The following NAALADL2 variants were observed in gnomAD, a reference collection of about 807,000 sequenced individuals.
NAALADL2 encodes N-acetylated alpha-linked acidic dipeptidase like 2.
In NAALADL2, 76 loss-of-function variants were observed where a neutral mutation model predicts 87.2. The ratio of observed to expected loss-of-function variants is 0.87; its 90% CI spans 0.72 to 1.05. The LOEUF (loss-of-function observed/expected upper bound fraction) is 1.05. Ranked by LOEUF, NAALADL2 falls within the 50% of genes least tolerant of loss-of-function variation. The pLI, the probability that NAALADL2 is intolerant of heterozygous loss-of-function variation, is 0.00. For synonymous variants in NAALADL2, 354 were observed against 331.0 expected (o/e 1.07, Z -0.75); for missense variants, 1,089 against 945.8 (o/e 1.15, Z -1.99).
intron 2 of NAALADL2, among the ~76,000 whole-genome samples, chr3:174,697,969 T>G (rs1424090588): frequency 6.6e-6 from 1 of 152,054 alleles, no homozygotes; most frequent in East Asian, 1.9e-4. Context: ...CACATACCTG[T>G]AGTCCCTGCT....
At chr3:175,292,621 C>CCT (rs1553850947) in intron 4 of NAALADL2, among the ~76,000 whole-genome samples, 1 of 151,664 alleles carries the variant, frequency 6.6e-6, no homozygotes, top group East Asian at 1.9e-4. Context: ...CACACACACA[C>CCT]ACCTGAGGGG....
At chr3:174,899,801 C>A (rs960689857) in intron 1 of NAALADL2, among the ~76,000 whole-genome samples, 5 of 151,808 alleles carry the variant, frequency 3.3e-5, no homozygotes, top group South Asian at 4.2e-4. Context: ...CATATGCTTA[C>A]ACGGCCAGAA....
chr3:175,445,786 T>C (rs1720591159), intron 5 of NAALADL2, among the ~76,000 whole-genome samples: 1 of 152,200 alleles, frequency 6.6e-6, no homozygotes, highest in South Asian at 2.1e-4. Flanking sequence ...TATTTTTCTT[T>C]ATAGCTAGAC....
intron 1 of NAALADL2, among the ~76,000 whole-genome samples, chr3:174,997,305 G>C (rs900484828): frequency 6.6e-6 from 1 of 151,980 alleles, no homozygotes; most frequent in Non-Finnish European, 1.5e-5. Flanking sequence ...GTGTAACAGT[G>C]TTCCCTTTCA....
At chr3:175,420,701 C>T (rs1715549106) in intron 5 of NAALADL2, among the ~76,000 whole-genome samples, 1 of 152,020 alleles carries the variant, frequency 6.6e-6, no homozygotes, top group African/African-American at 2.4e-5. Context: ...TGAACATCTC[C>T]TGTTTCTCAA....
intron 1 of NAALADL2, among the ~76,000 whole-genome samples, chr3:175,092,140 T>C (rs1174597789): frequency 1.3e-5 from 2 of 151,466 alleles, no homozygotes; most frequent in Non-Finnish European, 2.9e-5. Context: ...TCATAATAAC[T>C]TCAAAAATGT....
At chr3:174,473,871 A>G (rs1332211866) in intron 1 of NAALADL2, among the ~76,000 whole-genome samples, 2 of 152,190 alleles carry the variant, frequency 1.3e-5, no homozygotes, top group Non-Finnish European at 2.9e-5. Flanking sequence ...TTAATTTATA[A>G]AGAAAAGAGG....
At chr3:175,532,054 C>G (rs1734160398) in intron 9 of NAALADL2, among the ~76,000 whole-genome samples, 2 of 152,206 alleles carry the variant, frequency 1.3e-5, no homozygotes, top group Admixed American at 1.3e-4. Context: ...AGTCAGGGAG[C>G]AAATGTGGGG....
chr3:174,915,969 C>T (rs1045739555), intron 1 of NAALADL2, among the ~76,000 whole-genome samples: 3 of 152,078 alleles, frequency 2.0e-5, no homozygotes, highest in Non-Finnish European at 2.9e-5. Flanking sequence ...TATTCACAAA[C>T]TATGCATCTG....
intron 2 of NAALADL2, among the ~76,000 whole-genome samples, chr3:174,678,507 T>G (rs1458118697): frequency 1.3e-5 from 2 of 152,222 alleles, no homozygotes; most frequent in Non-Finnish European, 2.9e-5. Flanking sequence ...GTGTTATGAT[T>G]GTTTCATGTT....
chr3:175,547,082 T>A (rs901211878), intron 9 of NAALADL2, among the ~76,000 whole-genome samples: 1 of 152,066 alleles, frequency 6.6e-6, no homozygotes, highest in African/African-American at 2.4e-5. Context: ...AAAATTCATA[T>A]AGAACCAGAA....
intron 1 of NAALADL2, among the ~76,000 whole-genome samples, chr3:174,457,013 A>C (rs1192810205): frequency 6.6e-6 from 1 of 152,230 alleles, no homozygotes; most frequent in Non-Finnish European, 1.5e-5. Context: ...ACAAATTTAC[A>C]AGAAAAAATA....
chr3:175,119,646 AGTTT>A (rs1725812606), intron 2 of NAALADL2, among the ~76,000 whole-genome samples: 1 of 148,608 alleles, frequency 6.7e-6, no homozygotes, highest in Non-Finnish European at 1.5e-5. Context: ...AGATGTTTTT[AGTTT>A]GTTTAACTTG....
chr3:175,260,938 G>GA (rs1206371971), intron 4 of NAALADL2, among the ~76,000 whole-genome samples: 2 of 152,120 alleles, frequency 1.3e-5, no homozygotes, highest in African/African-American at 2.4e-5. Context: ...AGATTGATGA[G>GA]AAAATCCCAA....
At chr3:175,368,853 C>G (rs758787552) in intron 5 of NAALADL2, among the ~76,000 whole-genome samples, 5 of 151,858 alleles carry the variant, frequency 3.3e-5, no homozygotes, top group Admixed American at 6.6e-5. Flanking sequence ...ATTTGTATAT[C>G]TAAACATATC....
chr3:175,277,857 A>G (rs57958053), intron 4 of NAALADL2, among the ~76,000 whole-genome samples: 28,290 of 152,146 alleles, frequency 0.19, 3,283 homozygotes, highest in Non-Finnish European at 0.26. Flanking sequence ...TACTACTCAA[A>G]TTCTGTGCTA....
chr3:174,571,437 C>T (rs928510114), intron 2 of NAALADL2, among the ~76,000 whole-genome samples: 1 of 151,948 alleles, frequency 6.6e-6, no homozygotes, highest in Non-Finnish European at 1.5e-5. Context: ...AGTGTAATGG[C>T]GTGATCTGTG....
intron 2 of NAALADL2, among the ~76,000 whole-genome samples, chr3:175,232,888 AG>A (rs1484342977): frequency 9.6e-6 from 1 of 104,540 alleles, no homozygotes; most frequent in Non-Finnish European, 2.2e-5. Context: ...TTAATATTTC[AG>A]CCACAAAATT....
intron 2 of NAALADL2, among the ~76,000 whole-genome samples, chr3:175,122,353 A>G (rs1450682728): frequency 2.0e-5 from 3 of 151,866 alleles, no homozygotes; most frequent in African/African-American, 4.8e-5. Context: ...GTGACTGTGA[A>G]CCAAGCATTG....
Sources: allele counts gnomAD v4.1 joint callset (sites outside exome capture counted in the v4.1 genomes callset), GRCh38; gene constraint gnomAD v4.1.1; transcripts MANE v1.5; gene names NCBI Gene and HGNC (gene_info 2026-07-23, HGNC 2026-07-21).